CXADR: variants seen among roughly 807,000 people sequenced by gnomAD.
CXADR encodes CXADR cell adhesion molecule, also known as coxsackievirus and adenovirus receptor.
Under a neutral mutation model 40.3 loss-of-function variants are expected in CXADR, and 20 were observed. The ratio of observed to expected loss-of-function variants is 0.50; its 90% confidence interval spans 0.35 to 0.72. The LOEUF (loss-of-function observed/expected upper bound fraction) is 0.72, where lower values mean the gene tolerates loss of function less well. Among genes scored for constraint, CXADR ranks in the 30% least tolerant of loss-of-function variants. The pLI is 0.01. For synonymous variants in CXADR, 150 were observed against 161.3 expected (o/e 0.93, Z 0.53); for missense variants, 332 against 449.1 (o/e 0.74, Z 2.36).
In CXADR at chr21:17,513,057, G is replaced by C. The variant is rs2123074298; in HGVS notation, c.-73G>C. ...CGCCGCGAGCCAGTCGGGAGCGCGC[G>C]AGGCGCGGGGAGCCTGGGACCAGGA... is the stretch of plus-strand genomic sequence containing the variant. On this transcript the variant is annotated 5_prime_UTR_variant, in exon 1 of 7. Transcript: ENST00000284878. The C allele has an allele frequency of 9.3e-6, 12 of 1,293,846 alleles. No homozygotes were observed. The highest frequency in any genetic ancestry group is 3.1e-5 in the East Asian group (1 of 31,880). The allele number at this position is 1,293,846 out of a possible 1,614,324, so 80.1% of individuals were successfully genotyped here. A position where few individuals can be genotyped will look rare whatever the true frequency, so the allele number is the denominator to read the frequency against.
At chr21:17,575,971 C>A (rs2061319512) in intron 7 of CXADR, among the ~76,000 whole-genome samples, 1 of 150,748 alleles carries the variant, frequency 6.6e-6, no homozygotes, top group East Asian at 2.0e-4. Context: ...GTTTGTAGTC[C>A]CAGCTACTTG....
downstream of CXADR, chr21:17,594,115 G>A (rs1413506924): frequency 2.5e-6 from 4 of 1,612,950 alleles, no homozygotes; most frequent in African/African-American, 2.7e-5. Context: ...TAACATGTGA[G>A]GATTAATCCA....
rs2061264384 is a variant in CXADR, at chr21:17,570,050, G to T, written c.*4358G>T. 1.0e-6 allele frequency: 1 copy of T among 985,230 alleles called. No homozygotes were observed. Among genetic ancestry groups the T allele is most frequent in the Admixed American group, 6.2e-5 (1 of 16,250 alleles). The allele number at this position is 985,230 out of a possible 1,614,324, so 61.0% of individuals were successfully genotyped here. On this transcript the variant is annotated 3_prime_UTR_variant, in exon 7 of 7. Transcript: ENST00000284878. Reference sequence around the variant, plus strand: ...CAAAATTTGTTAAGAAAAACAACTTGCTCTAGTTTTGTGACCTTGTGTACT... The same window carrying T: ...CAAAATTTGTTAAGAAAAACAACTTTCTCTAGTTTTGTGACCTTGTGTACT...
intron 7 of CXADR, among the ~76,000 whole-genome samples, chr21:17,582,403 T>G (rs930395915): frequency 1.3e-5 from 2 of 152,206 alleles, no homozygotes; most frequent in Non-Finnish European, 2.9e-5. Context: ...TATTTGCCCT[T>G]TTATGGCTAT....
At chr21:17,516,602 C>G (rs867039206) in intron 1 of CXADR, among the ~76,000 whole-genome samples, 1 of 152,152 alleles carries the variant, frequency 6.6e-6, no homozygotes, top group African/African-American at 2.4e-5. Context: ...CTCCCAACCT[C>G]TTGTTAGCTA....
chr21:17,528,068 CTTTTTTTTTTTTT>C (rs35477813), intron 1 of CXADR, among the ~76,000 whole-genome samples: 4 of 78,352 alleles, frequency 5.1e-5, no homozygotes, highest in East Asian at 3.9e-4. Context: ...TTAGTTCTTT[CTTTTTTTTTTTTT>C]TTTTTTTTTT....
chr21:17,527,710 C>G (rs1343027065), intron 1 of CXADR, among the ~76,000 whole-genome samples: 1 of 152,190 alleles, frequency 6.6e-6, no homozygotes, highest in African/African-American at 2.4e-5. Flanking sequence ...AACCATTTTT[C>G]CTTCCACCTT....
chr21:17,522,669 C>G (rs1356849291), intron 1 of CXADR, among the ~76,000 whole-genome samples: 1 of 152,224 alleles, frequency 6.6e-6, no homozygotes, highest in Non-Finnish European at 1.5e-5. Flanking sequence ...ACAAATAGCT[C>G]TATTGAACAG....
chr21:17,548,319 T>C (rs78389220), intron 2 of CXADR, among the ~76,000 whole-genome samples: 2,051 of 152,278 alleles, frequency 0.013, 44 homozygotes, highest in African/African-American at 0.045. Context: ...ATTAAGGTGC[T>C]TTCCCAAGTT....
intron 6 of CXADR, among the ~76,000 whole-genome samples, chr21:17,563,900 C>T (rs1219033766): frequency 1.6e-5 from 2 of 121,600 alleles, no homozygotes; most frequent in Non-Finnish European, 3.3e-5. Context: ...GAGATCACGC[C>T]ACTGCACTCC....
chr21:17,587,703 G>C (rs1212932778), intron 7 of CXADR, among the ~76,000 whole-genome samples: 1 of 152,046 alleles, frequency 6.6e-6, no homozygotes, highest in African/African-American at 2.4e-5. Flanking sequence ...TCACTCTGAT[G>C]GTAGTTTCTT....
intron 2 of CXADR, 62 bp downstream of exon 2, chr21:17,547,255 C>T (rs1389759018): frequency 1.3e-6 from 2 of 1,599,486 alleles, no homozygotes; most frequent in Admixed American, 1.7e-5. Flanking sequence ...ATGTGTCCAT[C>T]ACCTTGCCAG....
chr21:17,564,534 A>G (rs1318877169), intron 6 of CXADR, among the ~76,000 whole-genome samples: 1 of 152,066 alleles, frequency 6.6e-6, no homozygotes, highest in East Asian at 1.9e-4. Context: ...AATTTTCTAT[A>G]CATGGTTTGT....
In CXADR at chr21:17,532,196, G is replaced by C. The variant is rs116173517; in HGVS notation, c.44-14831G>C. On this transcript the variant is annotated intron_variant, in intron 1 of 6. Coordinates refer to ENST00000284878, the MANE Select transcript of CXADR (RefSeq NM_001338.5). ...AGTCTTCCTGCCCCAACCTCCCAAAGTGTTGCTATTACAGGTGTGGTGAAC... is the reference window on the plus strand; with the variant it reads ...AGTCTTCCTGCCCCAACCTCCCAAACTGTTGCTATTACAGGTGTGGTGAAC... Among the ~76,000 whole-genome samples, 950 of 152,168 alleles carry C rather than the reference G, an allele frequency of 6.2e-3. 10 individuals carry two copies. The highest frequency in any genetic ancestry group is 0.021 in the African/African-American group (888 of 41,504).
At chr21:17,525,580 A>C (rs562261070) in intron 1 of CXADR, among the ~76,000 whole-genome samples, 5 of 152,258 alleles carry the variant, frequency 3.3e-5, no homozygotes, top group Non-Finnish European at 7.3e-5. Context: ...GATTTCTGTC[A>C]AGGACCAGAT....
the CXADR span, among the ~76,000 whole-genome samples, chr21:17,618,945 T>C: frequency 6.6e-6 from 1 of 152,358 alleles, no homozygotes; most frequent in East Asian, 1.9e-4. Context: ...AATCTCCTTG[T>C]AGATATCCAT....
At chr21:17,612,512 G>C in the CXADR span, 1 of 152,072 alleles carries the variant, frequency 6.6e-6, no homozygotes, top group African/African-American at 2.4e-5. Context: ...CCGCCCTCGC[G>C]GCCCGCAGCC....
intron 1 of CXADR, among the ~76,000 whole-genome samples, chr21:17,536,222 T>G (rs771467547): frequency 2.0e-5 from 3 of 152,168 alleles, no homozygotes; most frequent in Non-Finnish European, 2.9e-5. Flanking sequence ...CAATAAAAGT[T>G]TTTCTTAACA....
intron 1 of CXADR, among the ~76,000 whole-genome samples, chr21:17,535,860 T>C (rs1415215875): frequency 6.6e-6 from 1 of 151,894 alleles, no homozygotes; most frequent in African/African-American, 2.4e-5. Flanking sequence ...ATACAAAAAT[T>C]AGTGGGGCAT....
Sources: allele counts gnomAD v4.1 joint callset (sites outside exome capture counted in the v4.1 genomes callset), GRCh38; gene constraint gnomAD v4.1.1; transcripts MANE v1.5; gene names NCBI Gene and HGNC (gene_info 2026-07-23, HGNC 2026-07-21).